The following SDK1 variants were observed in gnomAD, a reference collection of about 807,000 sequenced individuals.
The protein encoded by SDK1 is sidekick cell adhesion molecule 1.
A neutral mutation model predicts 245.5 loss-of-function variants in SDK1; 157 were observed. The ratio of observed to expected loss-of-function variants is 0.64; its 90% CI spans 0.56 to 0.73. The LOEUF is 0.73. Ranked by LOEUF, SDK1 falls within the 30% of genes least tolerant of loss-of-function variation. SDK1 has a pLI of 0.00. For synonymous variants in SDK1, 1,647 were observed against 1,278.5 expected (o/e 1.29, Z -6.15); for missense variants, 3,583 against 3,002.3 (o/e 1.19, Z -4.52).
intron 1 of SDK1, among the ~76,000 whole-genome samples, chr7:3,532,155 T>C (rs1413275962): frequency 1.3e-5 from 2 of 152,184 alleles, no homozygotes; most frequent in Non-Finnish European, 2.9e-5. Flanking sequence ...TGATCTGTTT[T>C]CTGGCTCAGG....
intron 5 of SDK1, among the ~76,000 whole-genome samples, chr7:3,881,254 C>G (rs1289843021): frequency 3.9e-5 from 6 of 152,256 alleles, no homozygotes; most frequent in Middle Eastern, 3.4e-3. Flanking sequence ...CTCTCCCTCC[C>G]CTACCCATGC....
At chr7:3,659,282 G>C (rs920041098) in intron 4 of SDK1, among the ~76,000 whole-genome samples, 10 of 152,068 alleles carry the variant, frequency 6.6e-5, no homozygotes, top group African/African-American at 2.4e-4. Flanking sequence ...GTACTGGTAT[G>C]ATATCACATA....
chr7:4,268,076 C>T lies in SDK1; in HGVS notation c.*2692C>T. ...TTTAAAAAGAGGACAAACAAAATGT[C>T]TCTAAGCCAGGCTAGATGGAATGTG... On this transcript the variant is annotated 3_prime_UTR_variant, in exon 45 of 45. Transcript: ENST00000404826. 1 of 985,474 alleles carries T rather than the reference C, an allele frequency of 1.0e-6. No individual in the cohort carries two copies. Among genetic ancestry groups the T allele is most frequent in the Non-Finnish European group, 1.2e-6 (1 of 829,954 alleles). The allele number at this position is 985,474 out of a possible 1,614,324, so 61.0% of individuals were successfully genotyped here.
chr7:3,946,665 T>A (rs550298002), intron 5 of SDK1, among the ~76,000 whole-genome samples: 16 of 152,284 alleles, frequency 1.1e-4, no homozygotes, highest in African/African-American at 1.4e-4. Flanking sequence ...TTACTTTTTT[T>A]AAGTTATTTA....
rs112705289 is a variant in SDK1 at position 4,260,858 on chromosome 7, A to G, written c.6382-4266A>G. On this transcript the variant is annotated intron_variant, in intron 44 of 44. Transcript: ENST00000404826. The stretch of plus-strand genomic sequence containing the variant: ...TCTGCATGTGTGGGAGGATGTGTTC[A>G]TCGTCACCTGATGGAGAAGCTGGCT... Among the ~76,000 whole-genome samples, 435 of 144,868 alleles carry G rather than the reference A, an allele frequency of 3.0e-3. 1 individual carries two copies. Among genetic ancestry groups the G allele is most frequent in the African/African-American group, 0.011 (420 of 38,504 alleles).
At chr7:3,571,235 A>G (rs925366225) in intron 1 of SDK1, among the ~76,000 whole-genome samples, 2 of 152,082 alleles carry the variant, frequency 1.3e-5, no homozygotes, top group African/African-American at 4.8e-5. Flanking sequence ...ACCAATCTAT[A>G]AAATCTTGAT....
rs181249993 is a variant in SDK1 at position 4,042,113 on chromosome 7, A to G, written c.2603-7235A>G. ...AGGCATGAACCACCGTGCCCGGCCA[A>G]CAGTTGCAAATGTTTGAATGGCTGT... On this transcript the variant is annotated intron_variant, in intron 17 of 44. Transcript: ENST00000404826. Among the ~76,000 whole-genome samples, 280 of 136,426 alleles carry G rather than the reference A, an allele frequency of 2.1e-3. 38 individuals carry two copies. Among genetic ancestry groups the G allele is most frequent in the Non-Finnish European group, 3.4e-3 (221 of 65,874 alleles). The allele number at this position is 136,426 out of a possible 152,430, so 89.5% of individuals were successfully genotyped here.
chr7:4,146,646 C>G (rs1185957903), intron 29 of SDK1, among the ~76,000 whole-genome samples: 1 of 152,210 alleles, frequency 6.6e-6, no homozygotes, highest in African/African-American at 2.4e-5. Flanking sequence ...GAAAGCAGCC[C>G]CCAGTCTCTG....
chr7:3,509,647 C>T (rs1782512717), intron 1 of SDK1, among the ~76,000 whole-genome samples: 1 of 152,164 alleles, frequency 6.6e-6, no homozygotes, highest in South Asian at 2.1e-4. Flanking sequence ...GCCCCTCTTC[C>T]TCAACTGTGC....
chr7:3,430,248 C>G (rs760750128), intron 1 of SDK1, among the ~76,000 whole-genome samples: 26 of 152,164 alleles, frequency 1.7e-4, no homozygotes, highest in Admixed American at 3.3e-4. Flanking sequence ...TTGATGCACT[C>G]CAGGTGCAGT....
intron 40 of SDK1, chr7:4,233,029 T>C (rs1785895504): frequency 6.1e-6 from 3 of 493,540 alleles, no homozygotes; most frequent in Non-Finnish European, 1.1e-5. Flanking sequence ...TCCAGTTCAG[T>C]AGCATTGAGC....
intron 1 of SDK1, among the ~76,000 whole-genome samples, chr7:3,495,131 C>T (rs1781984711): frequency 6.6e-6 from 1 of 152,120 alleles, no homozygotes; most frequent in Non-Finnish European, 1.5e-5. Flanking sequence ...AAGCTTGAAA[C>T]TGCAGTGTAA....
chr7:3,439,399 C>G (rs936818741), intron 1 of SDK1, among the ~76,000 whole-genome samples: 1 of 152,024 alleles, frequency 6.6e-6, no homozygotes, highest in East Asian at 1.9e-4. Flanking sequence ...ACTACTGTTG[C>G]GCTCCTTACA....
chr7:3,911,158 A>G (rs1356428584), intron 5 of SDK1, among the ~76,000 whole-genome samples: 1 of 152,168 alleles, frequency 6.6e-6, no homozygotes, highest in Non-Finnish European at 1.5e-5. Flanking sequence ...AAAATTACAG[A>G]TAAACCTGAA....
intron 8 of SDK1, 98 bp downstream of exon 8, chr7:3,959,112 G>C (rs1239755012): frequency 1.1e-6 from 1 of 924,862 alleles, no homozygotes; most frequent in Non-Finnish European, 1.8e-6. Flanking sequence ...GGGAGACATT[G>C]AGTGTGATGG....
chr7:3,925,408 T>G (rs1017922403), intron 5 of SDK1, among the ~76,000 whole-genome samples: 10 of 152,224 alleles, frequency 6.6e-5, no homozygotes, highest in African/African-American at 2.2e-4. Flanking sequence ...TGACGCATGC[T>G]TGGGTTCCCT....
intron 1 of SDK1, among the ~76,000 whole-genome samples, chr7:3,348,934 T>C (rs1780581129): frequency 6.6e-6 from 1 of 152,160 alleles, no homozygotes. Flanking sequence ...ATGAAAGAGT[T>C]TGATGCCATG....
At chr7:3,756,266 A>T (rs1436058794) in intron 4 of SDK1, among the ~76,000 whole-genome samples, 2 of 149,264 alleles carry the variant, frequency 1.3e-5, no homozygotes, top group Non-Finnish European at 3.0e-5. Flanking sequence ...ATGGCATAGC[A>T]CGTGTGACAC....
intron 1 of SDK1, among the ~76,000 whole-genome samples, chr7:3,390,212 G>C (rs1781713521): frequency 6.6e-6 from 1 of 152,084 alleles, no homozygotes; most frequent in African/African-American, 2.4e-5. Context: ...CATGCCGGAG[G>C]GTTCCAGGGT....
Sources: gnomAD v4.1 joint callset for allele counts (sites outside exome capture counted in the v4.1 genomes callset) on GRCh38, gnomAD v4.1.1 for gene constraint, MANE v1.5 for transcripts, NCBI Gene and HGNC (gene_info 2026-07-23, HGNC 2026-07-21) for gene names.